The following B3GALNT2 variants were observed in gnomAD, a reference collection of about 807,000 sequenced individuals.
B3GALNT2 encodes beta-1,3-N-acetylgalactosaminyltransferase 2, also known as UDP-GalNAc:beta-1,3-N-acetylgalactosaminyltransferase 2.
B3GALNT2 carries 53 observed loss-of-function variants against 61.1 expected under a neutral mutation model. The observed-to-expected ratio is 0.87, with a 90% CI of 0.70 to 1.09. The LOEUF (loss-of-function observed/expected upper bound fraction) is 1.09. Ranked by LOEUF, B3GALNT2 falls within the 50% of genes least tolerant of loss-of-function variation. The pLI, the probability that B3GALNT2 is intolerant of heterozygous loss-of-function variation, is 0.00. For synonymous variants in B3GALNT2, 223 were observed against 237.4 expected (o/e 0.94, Z 0.56); for missense variants, 544 against 623.0 (o/e 0.87, Z 1.35).
intron 6 of B3GALNT2, among the ~76,000 whole-genome samples, chr1:235,469,068 T>C (rs1006039952): frequency 6.6e-6 from 1 of 152,218 alleles, no homozygotes; most frequent in African/African-American, 2.4e-5. Flanking sequence ...TAACTACATA[T>C]GAATCTATGG....
chr1:235,448,404 T>G lies in B3GALNT2; in HGVS notation c.*1802A>C. On this transcript the variant is annotated 3_prime_UTR_variant, in exon 12 of 12. Coordinates refer to ENST00000366600, the MANE Select transcript of B3GALNT2 (RefSeq NM_152490.5). ...TGCTGTCACGTCTTCTCAAAGTTCC[T>G]GTGTCAGACCTTCTGTTGTCCTATG... 6.2e-7 allele frequency: 1 copy of G among 1,614,216 alleles called. No homozygotes were observed. Among genetic ancestry groups the G allele is most frequent in the Non-Finnish European group, 8.5e-7 (1 of 1,180,038 alleles).
chr1:235,492,923 A>T (rs1483508163), intron 2 of B3GALNT2, among the ~76,000 whole-genome samples: 2 of 152,216 alleles, frequency 1.3e-5, no homozygotes, highest in Non-Finnish European at 2.9e-5. Flanking sequence ...GTAGATGTAG[A>T]TAAGGTCAAA....
intron 1 of B3GALNT2, among the ~76,000 whole-genome samples, chr1:235,500,404 C>T (rs1685532851): frequency 1.3e-5 from 2 of 152,140 alleles, no homozygotes; most frequent in African/African-American, 2.4e-5. Flanking sequence ...TGGCTTCAAC[C>T]CGGAGGCAGA....
At chr1:235,440,890 T>C in the B3GALNT2 span, 1 of 152,256 alleles carries the variant, frequency 6.6e-6, no homozygotes, top group African/African-American at 2.4e-5. Flanking sequence ...TTGTCCCTGA[T>C]GTACTTTCCA....
intron 5 of B3GALNT2, chr1:235,479,705 T>C (rs1684465268): frequency 5.9e-6 from 1 of 169,450 alleles, no homozygotes; most frequent in Admixed American, 5.9e-5. Flanking sequence ...AAGCAAATTA[T>C]TTAATTTTTA....
In B3GALNT2 at chr1:235,465,439, G is replaced by A. The variant is rs974025663; in HGVS notation, c.841+197C>T. ...ATGAGGAGTAACTGCTAATGGGTGT[G>A]GGGTTTCCTTTTGGGAGGTGGAGCC... On this transcript the variant is annotated intron_variant, in intron 7 of 11. Coordinates refer to ENST00000366600, the MANE Select transcript of B3GALNT2 (RefSeq NM_152490.5). 7 of 798,056 alleles carry A rather than the reference G, an allele frequency of 8.8e-6. No homozygotes were observed. In the Admixed American group the frequency reaches 1.6e-4, roughly 18 times the overall value. The allele number at this position is 798,056 out of a possible 1,614,324, so 49.4% of individuals were successfully genotyped here.
downstream of B3GALNT2, among the ~76,000 whole-genome samples, chr1:235,445,858 G>A (rs181620183): frequency 3.3e-5 from 5 of 152,264 alleles, no homozygotes; most frequent in East Asian, 3.9e-4. Flanking sequence ...ACTTGCCAGC[G>A]GAGGAATGGT....
At position 235,495,512 on chromosome 1, in the gene B3GALNT2, A is replaced by G. The variant is rs960434805; in HGVS notation, c.113-684T>C. 7.2e-5 allele frequency among the ~76,000 whole-genome samples: 11 copies of G among 152,246 alleles called. No individual in the cohort carries two copies. The South Asian group carries it at 1.9e-3, about 26-fold the overall frequency. ...TCACTACCTACAAAATATTCTGAAG[A>G]ATGACGGGAAAGCAACACTTTTAGT... On this transcript the variant is annotated intron_variant, in intron 1 of 11. Transcript: ENST00000366600.
At chr1:235,498,963 G>C (rs1170375458) in intron 1 of B3GALNT2, among the ~76,000 whole-genome samples, 1 of 150,864 alleles carries the variant, frequency 6.6e-6, no homozygotes, top group African/African-American at 2.4e-5. Flanking sequence ...ATTTAGAATG[G>C]TGTAACTTTG....
intron 9 of B3GALNT2, among the ~76,000 whole-genome samples, chr1:235,454,912 T>G (rs1683093772): frequency 6.6e-6 from 1 of 152,178 alleles, no homozygotes. Flanking sequence ...ACCAAATCAC[T>G]AATCCATATT....
At chr1:235,498,066 T>C (rs968766724) in intron 1 of B3GALNT2, among the ~76,000 whole-genome samples, 15 of 152,326 alleles carry the variant, frequency 9.8e-5, no homozygotes, top group East Asian at 3.9e-4. Context: ...TCAAGATATA[T>C]TGAAGTCAAA....
rs1189155121 is a variant in B3GALNT2, at chr1:235,465,634, A to C, written c.841+2T>G. ...TTTTCAAGTTTCAACTAGCAAACTT[A>C]CCCTGAATAGTATATATAAAACCAC... is the stretch of plus-strand genomic sequence containing the variant. On this transcript the variant is annotated splice_donor_variant, in intron 7 of 11. Coordinates refer to ENST00000366600, the MANE Select transcript of B3GALNT2 (RefSeq NM_152490.5). LOFTEE classifies it high-confidence loss of function. The C allele has an allele frequency of 1.2e-6, 2 of 1,613,976 alleles. No homozygotes were observed. Among genetic ancestry groups the C allele is most frequent in the South Asian group, 2.2e-5 (2 of 91,044 alleles).
intron 7 of B3GALNT2, among the ~76,000 whole-genome samples, chr1:235,459,722 T>G (rs942312828): frequency 3.9e-5 from 6 of 152,152 alleles, no homozygotes; most frequent in African/African-American, 1.4e-4. Flanking sequence ...GGCACCCCCT[T>G]TGAGGAGAGG....
At chr1:235,442,749 C>T, downstream of B3GALNT2, 1 of 1,093,150 alleles carries the variant, frequency 9.1e-7, no homozygotes, top group East Asian at 2.6e-5. Flanking sequence ...TGCCAATTTG[C>T]ACTGAATACC....
At chr1:235,465,739 G>T (rs199553995) in intron 6 of B3GALNT2, 25 bp from the exon 7 acceptor site, 1 of 1,604,190 alleles carries the variant, frequency 6.2e-7, no homozygotes, top group East Asian at 2.2e-5. Flanking sequence ...AATGTACTCA[G>T]TGATTCATTA....
At chr1:235,470,532 C>T (rs919318576) in intron 6 of B3GALNT2, among the ~76,000 whole-genome samples, 5 of 142,246 alleles carry the variant, frequency 3.5e-5, no homozygotes, top group Non-Finnish European at 7.5e-5. Context: ...GAGCTGTGAT[C>T]GTGCTAGTGC....
intron 6 of B3GALNT2, among the ~76,000 whole-genome samples, chr1:235,468,817 A>G (rs1683848539): frequency 6.6e-6 from 1 of 152,214 alleles, no homozygotes; most frequent in Non-Finnish European, 1.5e-5. Context: ...TTAAAGTTTC[A>G]TAAATAGAAA....
intron 6 of B3GALNT2, among the ~76,000 whole-genome samples, chr1:235,467,356 TAAATA>T (rs771912617): frequency 2.5e-4 from 38 of 150,866 alleles, no homozygotes; most frequent in African/African-American, 7.8e-4. Context: ...CTCAAAAAAA[TAAATA>T]AAATAAAATA....
At position 235,470,895 on chromosome 1, in the gene B3GALNT2, GTGGAGATT is replaced by G; in HGVS notation, c.709_716del (p.Asn237GlnfsTer6). 6.2e-7 allele frequency: 1 copy of G among 1,614,036 alleles called. No individual in the cohort carries two copies. Among genetic ancestry groups the G allele is most frequent in the Non-Finnish European group, 8.5e-7 (1 of 1,179,998 alleles). On this transcript the variant is annotated frameshift_variant, in exon 6 of 12. Coordinates refer to ENST00000366600, the MANE Select transcript of B3GALNT2 (RefSeq NM_152490.5). LOFTEE classifies it high-confidence loss of function. ...CCCCTCCATCATTCACTGTCACTTTGTGGAGATTTCTTGACACAAGGCCGTGGAGGTCT... is the reference window on the plus strand; with the variant it reads ...CCCCTCCATCATTCACTGTCACTTTGTCTTGACACAAGGCCGTGGAGGTCT...
Sources: allele counts gnomAD v4.1 joint callset (sites outside exome capture counted in the v4.1 genomes callset), GRCh38; gene constraint gnomAD v4.1.1; transcripts MANE v1.5; gene names NCBI Gene and HGNC (gene_info 2026-07-23, HGNC 2026-07-21).